The following P2RY8 variants were observed in gnomAD, a reference collection of about 807,000 sequenced individuals.
P2RY8 encodes the protein S-geranylgeranyl-glutathione receptor P2RY8.
In P2RY8, 6 loss-of-function variants were observed where a neutral mutation model predicts 10.0. The ratio of observed to expected loss-of-function variants is 0.60; its 90% CI spans 0.33 to 1.19. P2RY8 has a LOEUF of 1.19. Ranked by LOEUF, P2RY8 falls within the 50% of genes most tolerant of loss-of-function variation. The pLI is 0.04. For synonymous variants in P2RY8, 276 were observed against 252.5 expected (o/e 1.09, Z -0.88); for missense variants, 456 against 542.0 (o/e 0.84, Z 1.58).
intron 1 of P2RY8, among the ~76,000 whole-genome samples, chrX:1,497,780 G>T (rs1382093951): frequency 6.6e-6 from 1 of 152,152 alleles, no homozygotes; most frequent in East Asian, 1.9e-4. Context: ...CCAGGCTGGT[G>T]AGAGATGGTT....
intron 1 of P2RY8, among the ~76,000 whole-genome samples, chrX:1,517,122 T>TCTCAGGC (rs1556684494): frequency 6.6e-6 from 1 of 150,532 alleles, no homozygotes; most frequent in Non-Finnish European, 1.5e-5. Context: ...TAATCTTGGA[T>TCTCAGGC]TTCCAGCCTC....
rs1182188409 is a variant in P2RY8, at chrX:1,464,010, T to C, written c.*1469A>G. 4.3e-6 allele frequency: 1 copy of C among 233,318 alleles called. No homozygotes were observed. 14.5% of individuals were successfully genotyped at this position (233,318 alleles called of 1,614,324 possible). On this transcript the variant is annotated 3_prime_UTR_variant, in exon 2 of 2. Transcript: ENST00000381297. ...CATTACTAAACCATCTCTGTTTTCCTGCCATAGTGATGACGGCAGGAGAGA... is the reference window on the plus strand; with the variant it reads ...CATTACTAAACCATCTCTGTTTTCCCGCCATAGTGATGACGGCAGGAGAGA...
chrX:1,532,250 A>G (rs1168177057), intron 1 of P2RY8, among the ~76,000 whole-genome samples: 6 of 151,814 alleles, frequency 4.0e-5, no homozygotes, highest in African/African-American at 9.7e-5. Context: ...ATATATATAA[A>G]TGCCGGCACT....
At chrX:1,468,334 G>T (rs1221934454) in intron 1 of P2RY8, among the ~76,000 whole-genome samples, 1 of 152,192 alleles carries the variant, frequency 6.6e-6, no homozygotes, top group Admixed American at 6.5e-5. Context: ...GGCCTCACCC[G>T]GCCACCCTCG....
At chrX:1,503,009 C>A (rs1207281868) in intron 1 of P2RY8, among the ~76,000 whole-genome samples, 1 of 152,026 alleles carries the variant, frequency 6.6e-6, no homozygotes, top group Admixed American at 6.6e-5. Context: ...AAGAACTTTG[C>A]AGATTTAATG....
At chrX:1,493,426 AG>A (rs72284253) in intron 1 of P2RY8, among the ~76,000 whole-genome samples, 23 of 44,658 alleles carry the variant, frequency 5.2e-4, no homozygotes, top group East Asian at 2.8e-3. Context: ...AGGAGGAAGG[AG>A]GAGGGAGGGA....
chrX:1,480,388 C>T (rs1169700021), intron 1 of P2RY8, among the ~76,000 whole-genome samples: 1 of 81,536 alleles, frequency 1.2e-5, no homozygotes, highest in Non-Finnish European at 2.5e-5. Context: ...GCTTGCGCTT[C>T]CCGGGTTTTT....
intron 1 of P2RY8, among the ~76,000 whole-genome samples, chrX:1,483,927 C>A (rs1287766853): frequency 6.6e-6 from 1 of 151,720 alleles, no homozygotes; most frequent in Non-Finnish European, 1.5e-5. Context: ...CCCTTAAACC[C>A]AAAGCTGGGT....
At chrX:1,478,434 G>A (rs1225055337) in intron 1 of P2RY8, among the ~76,000 whole-genome samples, 1 of 152,036 alleles carries the variant, frequency 6.6e-6, no homozygotes, top group Non-Finnish European at 1.5e-5. Context: ...AAGAGAGTTG[G>A]TGGTTTTCAA....
chrX:1,517,161 G>C (rs754011294), intron 1 of P2RY8, among the ~76,000 whole-genome samples: 84 of 151,302 alleles, frequency 5.6e-4, no homozygotes, highest in African/African-American at 2.0e-3. Flanking sequence ...AATGTCTCTT[G>C]TTTCTAAGCC....
chrX:1,472,714 GAA>G (rs2091806328), intron 1 of P2RY8, among the ~76,000 whole-genome samples: 1 of 34,988 alleles, frequency 2.9e-5, no homozygotes, highest in Non-Finnish European at 5.7e-5. Context: ...ATGTGTGGAT[GAA>G]TGGTGGGTGG....
chrX:1,500,487 T>A (rs2092167103), intron 1 of P2RY8, among the ~76,000 whole-genome samples: 1 of 151,494 alleles, frequency 6.6e-6, no homozygotes, highest in Admixed American at 6.6e-5. Context: ...CTCTGTCATC[T>A]AGGCTGGAGT....
chrX:1,523,125 A>G (rs1331986954), intron 1 of P2RY8, among the ~76,000 whole-genome samples: 9 of 151,622 alleles, frequency 5.9e-5, no homozygotes, highest in East Asian at 3.8e-4. Flanking sequence ...AAATAAAACA[A>G]AAATTGAAAA....
intron 1 of P2RY8, among the ~76,000 whole-genome samples, chrX:1,504,202 G>C (rs1201853300): frequency 6.6e-6 from 1 of 151,784 alleles, no homozygotes; most frequent in Non-Finnish European, 1.5e-5. Context: ...TGTAGTCCCA[G>C]CTACTCGGGA....
In P2RY8 at chrX:1,522,292, C is replaced by A. The variant is rs754014210; in HGVS notation, c.-25+14629G>T. On this transcript the variant is annotated intron_variant, in intron 1 of 1. Coordinates refer to ENST00000381297, the MANE Select transcript of P2RY8 (RefSeq NM_178129.5). ...CTTAAAAAAAAAAAGGTGAGGTTTACATAATGAAATCAATCATTGTAAACG... is the reference window on the plus strand; with the variant it reads ...CTTAAAAAAAAAAAGGTGAGGTTTAAATAATGAAATCAATCATTGTAAACG... Among the ~76,000 whole-genome samples, 5 of 151,912 alleles carry A rather than the reference C, an allele frequency of 3.3e-5. 1 individual carries two copies. The South Asian group carries it at 1.0e-3, about 32-fold the overall frequency.
At chrX:1,476,960 G>A (rs1430335231) in intron 1 of P2RY8, among the ~76,000 whole-genome samples, 1 of 152,120 alleles carries the variant, frequency 6.6e-6, no homozygotes, top group South Asian at 2.1e-4. Context: ...AGGCCGAGGT[G>A]GGTGGATCAC....
At chrX:1,522,631 G>A (rs745630624) in intron 1 of P2RY8, among the ~76,000 whole-genome samples, 96 of 152,118 alleles carry the variant, frequency 6.3e-4, no homozygotes, top group African/African-American at 2.1e-3. Context: ...TTCATTAGCC[G>A]GGCGTGGTCA....
rs376477678 is a variant in P2RY8 at position 1,466,723 on chromosome X, C to CCTCA, written c.-24-142_-24-141insTGAG. The CCTCA allele has an allele frequency of 9.2e-3, 6,535 of 707,158 alleles. 330 individuals carry two copies. The African/African-American group carries it at 0.1, about 11-fold the overall frequency. 43.8% of individuals were successfully genotyped at this position (707,158 alleles called of 1,614,324 possible). Reference sequence around the variant, plus strand: ...GGGCCTGCTGTCTCCTCCCTCCCTCCCTCCCTTAGTTCCTCCTTCCCTCTC... The same window carrying CCTCA: ...GGGCCTGCTGTCTCCTCCCTCCCTCCCTCACTCCCTTAGTTCCTCCTTCCCTCTC... On this transcript the variant is annotated intron_variant, in intron 1 of 1. Transcript: ENST00000381297.
At chrX:1,505,258 C>T (rs2092221624) in intron 1 of P2RY8, among the ~76,000 whole-genome samples, 1 of 152,166 alleles carries the variant, frequency 6.6e-6, no homozygotes, top group South Asian at 2.1e-4. Flanking sequence ...GGCCACTTGC[C>T]CATCACAAAA....
Sources: gnomAD v4.1 joint callset for allele counts (sites outside exome capture counted in the v4.1 genomes callset) on GRCh38, gnomAD v4.1.1 for gene constraint, MANE v1.5 for transcripts, NCBI Gene and HGNC (gene_info 2026-07-23, HGNC 2026-07-21) for gene names.